The following NCOA1 variants were observed in gnomAD, a reference collection of about 807,000 sequenced individuals.
NCOA1 encodes Hin-2 protein.
Under a neutral mutation model 150.9 loss-of-function variants are expected in NCOA1, and 35 were observed. The observed-to-expected ratio is 0.23, with a 90% CI of 0.18 to 0.31. The LOEUF (loss-of-function observed/expected upper bound fraction) is 0.31, where lower values mean the gene tolerates loss of function less well. Ranked by LOEUF, NCOA1 falls within the 10% of genes least tolerant of loss-of-function variation. NCOA1 has a pLI of 1.00. For synonymous variants in NCOA1, 590 were observed against 630.0 expected, an observed-to-expected ratio of 0.94 and a Z score of 0.95; for missense variants, 1,491 against 1,749.3, an observed-to-expected ratio of 0.85 and a Z score of 2.63.
chr2:24,585,840 T>C (rs1281456046), intron 3 of NCOA1, among the ~76,000 whole-genome samples: 1 of 152,244 alleles, frequency 6.6e-6, no homozygotes, highest in Non-Finnish European at 1.5e-5. Flanking sequence ...TTTAATGTTA[T>C]TGTAGCTTTA....
chr2:24,669,613 AAC>A (rs1195196442), intron 6 of NCOA1, among the ~76,000 whole-genome samples: 1 of 152,212 alleles, frequency 6.6e-6, no homozygotes, highest in Non-Finnish European at 1.5e-5. Flanking sequence ...CATGTAATAA[AAC>A]ACATGAAATA....
intron 1 of NCOA1, among the ~76,000 whole-genome samples, chr2:24,524,447 C>T (rs1466315553): frequency 6.6e-6 from 1 of 152,102 alleles, no homozygotes. Flanking sequence ...ATGTGTACCA[C>T]CATGCCTGGC....
intron 1 of NCOA1, among the ~76,000 whole-genome samples, chr2:24,499,067 T>C (rs976459815): frequency 3.3e-5 from 5 of 152,320 alleles, no homozygotes; most frequent in Admixed American, 3.3e-4. Flanking sequence ...ACATGTGATA[T>C]GAGATATGCA....
At chr2:24,494,116 C>T (rs1013070399) in intron 1 of NCOA1, among the ~76,000 whole-genome samples, 6 of 152,122 alleles carry the variant, frequency 3.9e-5, no homozygotes, top group Non-Finnish European at 8.8e-5. Context: ...ATCCAGTGAG[C>T]GGTCTTCACT....
At chr2:24,576,747 TG>T (rs1413540400) in intron 2 of NCOA1, among the ~76,000 whole-genome samples, 1 of 152,196 alleles carries the variant, frequency 6.6e-6, no homozygotes, top group Non-Finnish European at 1.5e-5. Context: ...TTCAGGTGTT[TG>T]GCTTGTCAGT....
chr2:24,641,910 A>G (rs1670233112), intron 3 of NCOA1, among the ~76,000 whole-genome samples: 2 of 150,808 alleles, frequency 1.3e-5, no homozygotes, highest in Admixed American at 6.6e-5. Context: ...AATTTTGGGA[A>G]TTTTCTATCA....
intron 1 of NCOA1, among the ~76,000 whole-genome samples, chr2:24,547,190 T>C (rs1665637808): frequency 6.6e-6 from 1 of 152,220 alleles, no homozygotes; most frequent in Non-Finnish European, 1.5e-5. Context: ...ATCCTCTTTA[T>C]CTTGTATTTT....
At chr2:24,720,719 GA>G (rs1372425142) in intron 14 of NCOA1, among the ~76,000 whole-genome samples, 2 of 151,980 alleles carry the variant, frequency 1.3e-5, no homozygotes, top group Non-Finnish European at 2.9e-5. Context: ...GAAAAAGAAA[GA>G]AAAAAGATGG....
rs199650716 is a variant in NCOA1, at chr2:24,768,264, T to C, written c.4199T>C (p.Val1400Ala). 6.2e-7 allele frequency: 1 copy of C among 1,613,680 alleles called. No homozygotes were observed. The highest frequency in any genetic ancestry group is 1.3e-5 in the African/African-American group (1 of 74,940). Reference protein sequence around the residue: ...VQVFADVQCTVNLVGGDPYLN... With the variant: ...VQVFADVQCTANLVGGDPYLN... The stretch of plus-strand genomic sequence containing the variant: ...GTGTTTGCTGACGTCCAGTGTACAG[T>C]GAATCTGGTAGGCGGGGACCCTTAC... The change falls in exon 23 of 23, where the codon GTG becomes GCG. Residue 1400 changes from valine to alanine, a missense_variant. Transcript: ENST00000348332.
intron 1 of NCOA1, among the ~76,000 whole-genome samples, chr2:24,498,261 G>T (rs918341257): frequency 2.0e-5 from 3 of 152,194 alleles, no homozygotes; most frequent in Non-Finnish European, 4.4e-5. Flanking sequence ...CGGTCAAGAC[G>T]TAGTTATATG....
At chr2:24,747,348 T>A (rs1407095742) in intron 19 of NCOA1, among the ~76,000 whole-genome samples, 6 of 146,604 alleles carry the variant, frequency 4.1e-5, no homozygotes, top group Admixed American at 1.4e-4. Flanking sequence ...TTTTTTTTTT[T>A]AATCTTTTGA....
chr2:24,680,577 G>A (rs889358981), intron 7 of NCOA1, among the ~76,000 whole-genome samples: 3 of 152,120 alleles, frequency 2.0e-5, no homozygotes, highest in Admixed American at 6.5e-5. Flanking sequence ...GTGAAGGGTT[G>A]GGGGGATTGG....
chr2:24,755,604 A>G (rs1664457797), intron 20 of NCOA1, among the ~76,000 whole-genome samples: 1 of 152,192 alleles, frequency 6.6e-6, no homozygotes, highest in South Asian at 2.1e-4. Context: ...AGGGCCTGTG[A>G]ATGTTGGACT....
chr2:24,536,152 T>C (rs1386259704), intron 1 of NCOA1, among the ~76,000 whole-genome samples: 2 of 152,194 alleles, frequency 1.3e-5, no homozygotes, highest in African/African-American at 4.8e-5. Context: ...TTTGTTTATT[T>C]TTACTCTTTT....
At chr2:24,495,890 A>T (rs1332092914) in intron 1 of NCOA1, among the ~76,000 whole-genome samples, 1 of 152,224 alleles carries the variant, frequency 6.6e-6, no homozygotes, top group African/African-American at 2.4e-5. Flanking sequence ...TGTGTTTAGC[A>T]TATGATTGGC....
chr2:24,544,994 C>G (rs1453037405), intron 1 of NCOA1, among the ~76,000 whole-genome samples: 2 of 152,136 alleles, frequency 1.3e-5, no homozygotes, highest in South Asian at 4.1e-4. Context: ...ATTGAACACA[C>G]ATTTACCTTA....
intron 8 of NCOA1, among the ~76,000 whole-genome samples, chr2:24,688,820 C>T (rs1220032248): frequency 6.6e-6 from 1 of 152,118 alleles, no homozygotes; most frequent in African/African-American, 2.4e-5. Flanking sequence ...AATCTTTGCC[C>T]ATTCCTATGT....
intron 11 of NCOA1, among the ~76,000 whole-genome samples, chr2:24,704,728 G>A (rs1160157481): frequency 1.3e-5 from 2 of 151,840 alleles, no homozygotes; most frequent in African/African-American, 4.8e-5. Flanking sequence ...AGCCGAGATC[G>A]TGCCACTGCA....
intron 13 of NCOA1, among the ~76,000 whole-genome samples, 170 bp downstream of exon 13, chr2:24,708,058 T>C (rs1673546476): frequency 6.6e-6 from 1 of 152,198 alleles, no homozygotes; most frequent in African/African-American, 2.4e-5. Flanking sequence ...CTCAGAAGTT[T>C]TCTTTAGAAC....
Sources: allele counts gnomAD v4.1 joint callset (sites outside exome capture counted in the v4.1 genomes callset), GRCh38; gene constraint gnomAD v4.1.1; transcripts MANE v1.5; gene names NCBI Gene and HGNC (gene_info 2026-07-23, HGNC 2026-07-21).